Variants in FAM90A20 observed in about 807,000 individuals in gnomAD.
FAM90A20 encodes family with sequence similarity 90 member A20.
At chr8:7,297,383 C>G in the FAM90A20 span, 10,586 of 1,512,758 alleles carry the variant, frequency 7.0e-3, 926 homozygotes, top group Non-Finnish European at 8.1e-3. Flanking sequence ...CGGCCTGCTC[C>G]AGGCCGTCAG....
At chr8:7,297,990 C>T in the FAM90A20 span, 1 of 685,340 alleles carries the variant, frequency 1.5e-6, no homozygotes, top group Non-Finnish European at 2.5e-6. Context: ...CAGGTTTCCT[C>T]CTCCTCAGAG....
chr8:7,297,856 G>A, the FAM90A20 span: 3 of 848,334 alleles, frequency 3.5e-6, no homozygotes, highest in Non-Finnish European at 3.7e-6. Context: ...CCAGCCTCCT[G>A]GCGGCCCCCT....
At chr8:7,296,442 C>T in the FAM90A20 span, 3 of 713,570 alleles carry the variant, frequency 4.2e-6, no homozygotes, top group East Asian at 5.2e-5. Flanking sequence ...CTCTAGGTAA[C>T]CCTGGTTGAT....
the FAM90A20 span, chr8:7,295,812 A>G: frequency 3.9e-6 from 4 of 1,035,238 alleles, 1 homozygote; most frequent in Non-Finnish European, 5.8e-6. Context: ...GATAAGGGAG[A>G]GAAGGAAGAG....
At chr8:7,297,607 G>A in the FAM90A20 span, 4 of 1,460,424 alleles carry the variant, frequency 2.7e-6, no homozygotes, top group Admixed American at 5.2e-5. Flanking sequence ...GTGAGCTGGG[G>A]GCCCCGGAGA....
chr8:7,296,250 A>T, the FAM90A20 span: 8 of 689,476 alleles, frequency 1.2e-5, 1 homozygote, highest in Admixed American at 7.9e-5. Context: ...CTCCTGGGGA[A>T]AACCAGGGGG....
At chr8:7,297,251 G>A in the FAM90A20 span, 22 of 1,457,690 alleles carry the variant, frequency 1.5e-5, 4 homozygotes, top group African/African-American at 2.7e-4. Context: ...AGGGGCTGCC[G>A]CCGACATCCC....
chr8:7,297,034 C>G, the FAM90A20 span: 9 of 1,465,278 alleles, frequency 6.1e-6, 2 homozygotes, highest in Non-Finnish European at 8.2e-6. Flanking sequence ...TGAGGAACTT[C>G]TAACCTGTGT....
At chr8:7,297,663 C>T in the FAM90A20 span, 7 of 1,383,758 alleles carry the variant, frequency 5.1e-6, 1 homozygote, top group Admixed American at 5.1e-5. Flanking sequence ...CCAAGTAGGT[C>T]GCCCCAGATG....
the FAM90A20 span, chr8:7,297,878 C>G: frequency 1.3e-6 from 1 of 774,878 alleles, no homozygotes. Context: ...ATTTCACTCT[C>G]CTGAGAAGCC....
chr8:7,297,181 TC>T, the FAM90A20 span: 2 of 1,537,776 alleles, frequency 1.3e-6, no homozygotes, highest in Non-Finnish European at 1.8e-6. Flanking sequence ...CTTCACTGTC[TC>T]CCCTCAGAAA....
At chr8:7,296,265 G>A in the FAM90A20 span, 3 of 709,000 alleles carry the variant, frequency 4.2e-6, 1 homozygote, top group Admixed American at 5.6e-5. Flanking sequence ...AGGGGGCACG[G>A]CCTGACCTTT....
At chr8:7,296,203 C>G in the FAM90A20 span, 1 of 655,664 alleles carries the variant, frequency 1.5e-6, no homozygotes, top group Non-Finnish European at 2.8e-6. Context: ...TCACAAGACA[C>G]GGAATGGGGC....
At chr8:7,297,697 G>A in the FAM90A20 span, 3 of 1,416,252 alleles carry the variant, frequency 2.1e-6, no homozygotes, top group Admixed American at 5.1e-5. Context: ...CGGCCCAGGT[G>A]CCCAGCGTTG....
At chr8:7,295,906 C>G in the FAM90A20 span, 7 of 603,338 alleles carry the variant, frequency 1.2e-5, no homozygotes, top group Non-Finnish European at 2.0e-5. Flanking sequence ...ACCTGCACAC[C>G]GTGTGCCTTT....
the FAM90A20 span, chr8:7,297,617 A>G: frequency 7.0e-7 from 1 of 1,433,002 alleles, no homozygotes; most frequent in South Asian, 1.1e-5. Flanking sequence ...GGCCCCGGAG[A>G]ATCTCCAACC....
At chr8:7,297,771 A>T in the FAM90A20 span, 2 of 1,458,654 alleles carry the variant, frequency 1.4e-6, no homozygotes, top group Non-Finnish European at 1.9e-6. Context: ...ATGTCCCATC[A>T]CCCAGCGGCC....
At chr8:7,297,604 G>C in the FAM90A20 span, 10 of 1,461,768 alleles carry the variant, frequency 6.8e-6, 3 homozygotes, top group South Asian at 2.3e-5. Context: ...GAGGTGAGCT[G>C]GGGGCCCCGG....
the FAM90A20 span, chr8:7,297,257 A>G: frequency 6.9e-7 from 1 of 1,442,286 alleles, no homozygotes; most frequent in Non-Finnish European, 9.5e-7. Flanking sequence ...TGCCGCCGAC[A>G]TCCCTCGGCC....
Sources: allele counts gnomAD v4.1 joint callset, GRCh38; gene constraint gnomAD v4.1.1; transcripts MANE v1.5; gene names NCBI Gene and HGNC (gene_info 2026-07-23, HGNC 2026-07-21).